The following ACIN1 variants were observed in gnomAD, a reference collection of about 807,000 sequenced individuals.
ACIN1 encodes apoptotic chromatin condensation inducer in the nucleus.
In ACIN1, 16 loss-of-function variants were observed where a neutral mutation model predicts 146.6. The observed-to-expected ratio is 0.11, with a 90% confidence interval of 0.07 to 0.17. The LOEUF is 0.17. Among genes scored for constraint, ACIN1 ranks in the 10% least tolerant of loss-of-function variants. ACIN1 has a pLI of 1.00. For synonymous variants in ACIN1, 569 were observed against 582.7 expected, an observed-to-expected ratio of 0.98 and a Z score of 0.34; for missense variants, 1,357 against 1,609.3, an observed-to-expected ratio of 0.84 and a Z score of 2.68.
At chr14:23,081,307 T>C (rs2047939315) in intron 5 of ACIN1, among the ~76,000 whole-genome samples, 1 of 152,256 alleles carries the variant, frequency 6.6e-6, no homozygotes, top group Admixed American at 6.5e-5. Flanking sequence ...AATTATGTCA[T>C]ATCTTGTCTA....
At chr14:23,083,050 T>A (rs1480320355) in intron 4 of ACIN1, among the ~76,000 whole-genome samples, 1 of 151,704 alleles carries the variant, frequency 6.6e-6, no homozygotes, top group African/African-American at 2.4e-5. Context: ...AGGTGAGATT[T>A]TTTTTTTTTT....
chr14:23,089,904 T>C, intron 4 of ACIN1, 78 bp downstream of exon 4: 1 of 1,413,730 alleles, frequency 7.1e-7, no homozygotes. Context: ...AGGCTTAGCA[T>C]GAAAGGAGGT....
At chr14:23,092,534 G>A (rs555870332) in intron 2 of ACIN1, among the ~76,000 whole-genome samples, 1 of 152,200 alleles carries the variant, frequency 6.6e-6, no homozygotes, top group East Asian at 1.9e-4. Context: ...TTAATGAGGT[G>A]ATAACAAAGG....
At chr14:23,071,704 T>A (rs768885068) in intron 8 of ACIN1, 4 of 758,414 alleles carry the variant, frequency 5.3e-6, no homozygotes, top group Non-Finnish European at 8.1e-6. Flanking sequence ...TCCAGAGGCC[T>A]GGCCTTCTTT....
intron 5 of ACIN1, 117 bp downstream of exon 5, chr14:23,081,631 A>C: frequency 1.1e-6 from 1 of 927,456 alleles, no homozygotes. Context: ...CTCTGTCCCA[A>C]AAAAGAAAAA....
At chr14:23,093,022 G>A (rs2048267290) in intron 2 of ACIN1, among the ~76,000 whole-genome samples, 1 of 152,210 alleles carries the variant, frequency 6.6e-6, no homozygotes, top group South Asian at 2.1e-4. Context: ...TGAGTTAGTA[G>A]TTAACACTAG....
rs2139994564 is a variant in ACIN1 at position 23,061,476 on chromosome 14, C to T, written c.3246G>A (p.Arg1082=). The change falls in exon 17 of 19, where the codon CGG becomes CGA. Residue 1082 remains arginine, a synonymous_variant. Coordinates refer to ENST00000605057, the MANE Select transcript of ACIN1 (RefSeq NM_001386863.1). ...GTTCTGCCCACTGTTCCCGCACTGC[C>T]CGTTCCTGCTCCCGCTGCTCTGCCC... The part of the protein sequence containing the change: ...HPRAEQREQE[R]AVREQWAERE... 1.9e-6 allele frequency: 3 copies of T among 1,598,816 alleles called. No individual in the cohort carries two copies. The highest frequency in any genetic ancestry group is 2.6e-6 in the Non-Finnish European group (3 of 1,171,430).
At chr14:23,072,243 T>C (rs2047680990) in intron 8 of ACIN1, among the ~76,000 whole-genome samples, 1 of 152,146 alleles carries the variant, frequency 6.6e-6, no homozygotes, top group East Asian at 1.9e-4. Context: ...AGGGTTGGTG[T>C]CTCTGAAGAG....
chr14:23,065,852 T>C lies in ACIN1; in HGVS notation c.2308+114A>G. 3 of 917,278 alleles carry C rather than the reference T, an allele frequency of 3.3e-6. No individual in the cohort carries two copies. The South Asian group carries it at 4.2e-5, about 13-fold the overall frequency. The allele number at this position is 917,278 out of a possible 1,614,324, so 56.8% of individuals were successfully genotyped here. ...ATTCAGATTTGCTAGGCACAAGGGG[T>C]GGGGCAGGAGGGAGTGACCCAAGAA... On this transcript the variant is annotated intron_variant, in intron 10 of 18. Coordinates refer to ENST00000605057, the MANE Select transcript of ACIN1 (RefSeq NM_001386863.1).
At chr14:23,078,357 G>A in intron 7 of ACIN1, 91 bp from the exon 8 acceptor site, 1 of 1,061,692 alleles carries the variant, frequency 9.4e-7, no homozygotes, top group Non-Finnish European at 1.4e-6. Flanking sequence ...AGGCAGGGCA[G>A]GACATACACA....
At chr14:23,071,241 G>T (rs2047638002) in intron 8 of ACIN1, 1 of 1,494,604 alleles carries the variant, frequency 6.7e-7, no homozygotes, top group African/African-American at 1.4e-5. Context: ...AAAAAATAAA[G>T]AAAAAAAACC....
intron 8 of ACIN1, chr14:23,070,975 G>C: frequency 2.3e-6 from 2 of 863,780 alleles, no homozygotes; most frequent in South Asian, 3.3e-5. Context: ...GGGCCAATTA[G>C]AAACTGGGCA....
At chr14:23,069,396 G>A in intron 9 of ACIN1, 80 bp downstream of exon 9, 1 of 1,543,938 alleles carries the variant, frequency 6.5e-7, no homozygotes, top group Non-Finnish European at 8.7e-7. Context: ...CACCGTGTAA[G>A]AGGGATCACT....
At chr14:23,083,385 T>G (rs1030922053) in intron 4 of ACIN1, among the ~76,000 whole-genome samples, 3 of 151,974 alleles carry the variant, frequency 2.0e-5, no homozygotes, top group Admixed American at 2.0e-4. Flanking sequence ...ATGTCATGAT[T>G]GAGAAAAAGG....
intron 6 of ACIN1, 81 bp downstream of exon 6, chr14:23,079,466 T>C (rs896114914): frequency 6.4e-7 from 1 of 1,553,434 alleles, no homozygotes; most frequent in East Asian, 2.3e-5. Flanking sequence ...TCAGAAATCA[T>C]GACAGGCTCT....
At chr14:23,095,235 T>C (rs756823369), upstream of ACIN1, 2 of 1,611,660 alleles carry the variant, frequency 1.2e-6, no homozygotes, top group Middle Eastern at 1.7e-4. Context: ...CGATTACCAC[T>C]CAGAACTCCC....
chr14:23,063,575 T>C lies in ACIN1; in HGVS notation c.2598A>G (p.Val866=). The C allele has an allele frequency of 6.2e-7, 1 of 1,614,174 alleles. No individual in the cohort carries two copies. Among genetic ancestry groups the C allele is most frequent in the Non-Finnish European group, 8.5e-7 (1 of 1,180,018 alleles). The change falls in exon 13 of 19, where the codon GTA becomes GTG. Residue 866 remains valine, a splice_region_variant and synonymous_variant. Transcript: ENST00000605057. ...CATTCTCCTGGCCCTCTGCAGGTAC[T>C]ACCTATCAAGGTGTCAGAGAACACA... is the stretch of plus-strand genomic sequence containing the variant. ...GLKICRTVTQ[V]VPAEGQENGQ...
At position 23,061,333 on chromosome 14, in the gene ACIN1, C is replaced by G. The variant is rs201109870; in HGVS notation, c.3389G>C (p.Arg1130Pro). ...ACTCTTCTTTTCTTTAGACTTCGCACGTTCCTTGCGGCGGCGGTCACGGGA... is the reference window on the plus strand; with the variant it reads ...ACTCTTCTTTTCTTTAGACTTCGCAGGTTCCTTGCGGCGGCGGTCACGGGA... ...SRSRDRRRKE[R>P]AKSKEKKSEK... Residue 1130 changes from arginine to proline, a missense_variant, in exon 17 of 19, where the codon CGT (arginine) becomes CCT (proline). Coordinates refer to ENST00000605057, the MANE Select transcript of ACIN1 (RefSeq NM_001386863.1). 1.2e-6 allele frequency: 2 copies of G among 1,614,110 alleles called. No homozygotes were observed. Among genetic ancestry groups the G allele is most frequent in the Non-Finnish European group, 1.7e-6 (2 of 1,180,018 alleles).
chr14:23,083,157 A>C (rs1594777521), intron 4 of ACIN1, among the ~76,000 whole-genome samples: 1 of 152,196 alleles, frequency 6.6e-6, no homozygotes. Flanking sequence ...AGTTTCACTC[A>C]AATTCCATGA....
Sources: allele counts gnomAD v4.1 joint callset (sites outside exome capture counted in the v4.1 genomes callset), GRCh38; gene constraint gnomAD v4.1.1; transcripts MANE v1.5; gene names NCBI Gene and HGNC (gene_info 2026-07-23, HGNC 2026-07-21).